Variants in TMEM117 observed in about 807,000 individuals in gnomAD.
The protein encoded by TMEM117 is transmembrane protein 117.
A neutral mutation model predicts 52.4 loss-of-function variants in TMEM117; 27 were observed. That is an observed-to-expected ratio of 0.51 (90% CI 0.38 to 0.71). The LOEUF is 0.71. TMEM117 is among the 30% of genes least tolerant of loss of function. The pLI is 0.00. For missense variants in TMEM117, 556 were observed against 630.5 expected (o/e 0.88, Z 1.26); for synonymous variants, 215 against 206.3 (o/e 1.04, Z -0.36).
rs1354268195 is a variant in TMEM117, at chr12:44,111,479, A to C, written c.411-32046A>C. On this transcript the variant is annotated intron_variant, in intron 3 of 7. Coordinates refer to ENST00000266534, the MANE Select transcript of TMEM117 (RefSeq NM_032256.3). The stretch of plus-strand genomic sequence containing the variant: ...TTCGTTATGTACCCAGTAGTCATTC[A>C]GGAGCAGGTTGTTCAGTTTCCATGT... 4.6e-3 allele frequency among the ~76,000 whole-genome samples: 228 copies of C among 49,894 alleles called. 7 individuals are homozygous for C. Among genetic ancestry groups the C allele is most frequent in the African/African-American group, 0.032 (211 of 6,612 alleles). 32.7% of individuals were successfully genotyped at this position (49,894 alleles called of 152,430 possible). A position where few individuals can be genotyped will look rare whatever the true frequency, so the allele number is the denominator to read the frequency against.
At chr12:44,148,590 T>G (rs1007412133) in intron 4 of TMEM117, among the ~76,000 whole-genome samples, 8 of 152,302 alleles carry the variant, frequency 5.3e-5, no homozygotes, top group African/African-American at 1.9e-4. Flanking sequence ...ACACTTTGTA[T>G]TTTTTCAGAG....
chr12:43,898,099 C>G (rs1382393902), intron 2 of TMEM117, among the ~76,000 whole-genome samples: 1 of 151,782 alleles, frequency 6.6e-6, no homozygotes, highest in African/African-American at 2.4e-5. Context: ...AGCTTCTCTC[C>G]TAATTTCTGC....
At chr12:43,842,566 G>T (rs558713345) in intron 1 of TMEM117, among the ~76,000 whole-genome samples, 2 of 152,282 alleles carry the variant, frequency 1.3e-5, no homozygotes, top group Admixed American at 6.5e-5. Context: ...ATTGGATTGG[G>T]ACTCAGGAGC....
At chr12:44,386,855 C>G (rs1245440349) in intron 7 of TMEM117, among the ~76,000 whole-genome samples, 1 of 151,902 alleles carries the variant, frequency 6.6e-6, no homozygotes, top group South Asian at 2.1e-4. Context: ...AAATATTTTC[C>G]TAAACTCCTC....
intron 6 of TMEM117, among the ~76,000 whole-genome samples, chr12:44,336,767 T>TTTA (rs1951346633): frequency 6.6e-6 from 1 of 151,938 alleles, no homozygotes; most frequent in Non-Finnish European, 1.5e-5. Flanking sequence ...GAGCAAGCAC[T>TTTA]TTATAAATGA....
chr12:43,986,536 C>T (rs1436755588), intron 3 of TMEM117, among the ~76,000 whole-genome samples: 1 of 152,092 alleles, frequency 6.6e-6, no homozygotes, highest in Non-Finnish European at 1.5e-5. Flanking sequence ...TGAAGTTCTG[C>T]ACTTCACTAC....
At chr12:44,131,815 A>G (rs956460772) in intron 3 of TMEM117, among the ~76,000 whole-genome samples, 1 of 151,994 alleles carries the variant, frequency 6.6e-6, no homozygotes, top group African/African-American at 2.4e-5. Context: ...ACTATTTTCA[A>G]CCTTTATGTA....
chr12:44,357,774 A>G (rs1436993334), intron 6 of TMEM117, among the ~76,000 whole-genome samples: 1 of 152,138 alleles, frequency 6.6e-6, no homozygotes, highest in Non-Finnish European at 1.5e-5. Flanking sequence ...TTTCTCAAGG[A>G]ACTAAAAATA....
intron 4 of TMEM117, among the ~76,000 whole-genome samples, chr12:44,176,081 C>T (rs113725763): frequency 6.6e-6 from 1 of 152,046 alleles, no homozygotes; most frequent in Admixed American, 6.6e-5. Flanking sequence ...ATTTGTTTGT[C>T]TGATTTTTAA....
chr12:44,215,070 T>A (rs1790498727), intron 5 of TMEM117, among the ~76,000 whole-genome samples: 1 of 152,198 alleles, frequency 6.6e-6, no homozygotes, highest in Non-Finnish European at 1.5e-5. Flanking sequence ...TTCTTTTGAT[T>A]TTGCTTTAGT....
intron 5 of TMEM117, among the ~76,000 whole-genome samples, chr12:44,229,840 T>C (rs1306815950): frequency 6.6e-6 from 1 of 152,154 alleles, no homozygotes; most frequent in African/African-American, 2.4e-5. Flanking sequence ...GGAAAAATGT[T>C]TCTCTTTATT....
rs142071791 is a variant in TMEM117 at position 44,130,025 on chromosome 12, C to A, written c.411-13500C>A. Among the ~76,000 whole-genome samples, 10 of 152,230 alleles carry A rather than the reference C, an allele frequency of 6.6e-5. No individual in the cohort carries two copies. The East Asian group carries it at 1.9e-3, about 29-fold the overall frequency. On this transcript the variant is annotated intron_variant, in intron 3 of 7. Transcript: ENST00000266534. ...CGTTCTTCTACTTCCTTTTGTGGCA[C>A]CATCCGATCCAACATAAAAATAATT...
chr12:43,826,755 A>G, the TMEM117 span, among the ~76,000 whole-genome samples: 1 of 152,184 alleles, frequency 6.6e-6, no homozygotes, highest in Non-Finnish European at 1.5e-5. Context: ...AGAGCTGAGG[A>G]GGAAAGCTAG....
intron 2 of TMEM117, among the ~76,000 whole-genome samples, chr12:43,860,204 G>T (rs1410330483): frequency 3.9e-5 from 6 of 152,052 alleles, no homozygotes; most frequent in Admixed American, 6.5e-5. Flanking sequence ...GGCCCAGTTT[G>T]TGAAGAATTT....
intron 5 of TMEM117, among the ~76,000 whole-genome samples, chr12:44,282,651 A>G (rs1950592138): frequency 6.6e-6 from 1 of 152,242 alleles, no homozygotes; most frequent in Non-Finnish European, 1.5e-5. Flanking sequence ...TCAGTTTTAT[A>G]AGGGAAGCAG....
chr12:44,347,521 CA>C (rs1487090241), intron 6 of TMEM117, among the ~76,000 whole-genome samples: 2 of 151,910 alleles, frequency 1.3e-5, no homozygotes, highest in Admixed American at 1.3e-4. Flanking sequence ...TTATAAACCC[CA>C]AATCTTTCAT....
chr12:44,223,488 A>C (rs1949818351), intron 5 of TMEM117, among the ~76,000 whole-genome samples: 4 of 151,380 alleles, frequency 2.6e-5, no homozygotes, highest in Admixed American at 2.6e-4. Context: ...TTGGAACTAG[A>C]TCCCTCAGTT....
intron 3 of TMEM117, among the ~76,000 whole-genome samples, chr12:43,980,126 A>G (rs1455511024): frequency 2.0e-5 from 3 of 151,880 alleles, no homozygotes; most frequent in Non-Finnish European, 4.4e-5. Context: ...CTTTTTTCCA[A>G]TTTATTGGAG....
chr12:43,912,575 T>A (rs1944531112), intron 2 of TMEM117, among the ~76,000 whole-genome samples: 1 of 148,434 alleles, frequency 6.7e-6, no homozygotes, highest in South Asian at 2.1e-4. Flanking sequence ...GATTTTTATC[T>A]GTTTTGTTAA....
Sources: allele counts gnomAD v4.1 joint callset (sites outside exome capture counted in the v4.1 genomes callset), GRCh38; gene constraint gnomAD v4.1.1; transcripts MANE v1.5; gene names NCBI Gene and HGNC (gene_info 2026-07-23, HGNC 2026-07-21).